Variants in GRHPR observed in about 807,000 individuals in gnomAD.
GRHPR encodes glyoxylate reductase/hydroxypyruvate reductase.
A neutral mutation model predicts 36.8 loss-of-function variants in GRHPR; 35 were observed. That is an observed-to-expected ratio of 0.95 (90% CI 0.73 to 1.26). The LOEUF is 1.26. Ranked by LOEUF, GRHPR falls within the 50% of genes most tolerant of loss-of-function variation. GRHPR has a pLI of 0.00. For synonymous variants in GRHPR, 179 were observed against 181.0 expected, an observed-to-expected ratio of 0.99 and a Z score of 0.09; for missense variants, 380 against 435.0, an observed-to-expected ratio of 0.87 and a Z score of 1.12.
chr9:37,431,416 G>C (rs989296067), intron 7 of GRHPR: 3 of 282,020 alleles, frequency 1.1e-5, no homozygotes, highest in African/African-American at 6.6e-5. Flanking sequence ...ACCCAGGACA[G>C]CCCAGGACCG....
intron 8 of GRHPR, among the ~76,000 whole-genome samples, chr9:37,435,672 C>T (rs897563948): frequency 7.9e-5 from 12 of 151,854 alleles, no homozygotes; most frequent in African/African-American, 2.7e-4. Flanking sequence ...AGGAGAATCA[C>T]TTGAGGCCAG....
chr9:37,432,139 G>T lies in GRHPR; in HGVS notation c.865+1G>T, dbSNP rs771990662. On this transcript the variant is annotated splice_donor_variant, in intron 8 of 8. Coordinates refer to ENST00000318158, the MANE Select transcript of GRHPR (RefSeq NM_012203.2). LOFTEE classifies it high-confidence loss of function. Reference sequence around the variant, plus strand: ...CCTCTCCTGACCCTGAAGAACTGTGGTAAGAACTGCACTTTCTGATGCAAA... The same window carrying T: ...CCTCTCCTGACCCTGAAGAACTGTGTTAAGAACTGCACTTTCTGATGCAAA... The T allele has an allele frequency of 6.2e-7, 1 of 1,613,816 alleles. No homozygotes were observed. Among genetic ancestry groups the T allele is most frequent in the African/African-American group, 1.3e-5 (1 of 74,914 alleles).
intron 8 of GRHPR, 121 bp from the exon 9 acceptor site, chr9:37,436,540 G>GAACCATGA (rs1237883306): frequency 4.6e-6 from 5 of 1,076,336 alleles, no homozygotes; most frequent in African/African-American, 1.5e-5. Flanking sequence ...GCAAAGCATG[G>GAACCATGA]AACCATGAGG....
In GRHPR at chr9:37,428,464, GC is replaced by G; in HGVS notation, c.405-16del. 1 of 1,544,812 alleles carries G rather than the reference GC, an allele frequency of 6.5e-7. No homozygotes were observed. Among genetic ancestry groups the G allele is most frequent in the South Asian group, 1.1e-5 (1 of 89,682 alleles). On this transcript the variant is annotated intron_variant, in intron 4 of 8. Coordinates refer to ENST00000318158, the MANE Select transcript of GRHPR (RefSeq NM_012203.2). ...TGGTCCAAGGCTGGGCCTCTCACCT[GC>G]CCCTCTCTCTCCCCTCAGTGGTGGC... is the stretch of plus-strand genomic sequence containing the variant.
upstream of GRHPR, chr9:37,422,636 C>T (rs1393307444): frequency 1.2e-6 from 1 of 835,686 alleles, no homozygotes; most frequent in Non-Finnish European, 2.0e-6. Flanking sequence ...ACACCCCCTG[C>T]GCACGCCGCG....
intron 8 of GRHPR, chr9:37,433,856 C>G (rs2118899432): frequency 2.5e-6 from 1 of 392,702 alleles, no homozygotes; most frequent in Admixed American, 4.4e-5. Context: ...AGTCTCTGCC[C>G]TTAATTTGGA....
Position 37,422,853 on chromosome 9 carries a change from TG to T in GRHPR, c.83+22del. On this transcript the variant is annotated intron_variant, in intron 1 of 8. Coordinates refer to ENST00000318158, the MANE Select transcript of GRHPR (RefSeq NM_012203.2). ...GGCAGAGTAAGAGCCTCGCGCGCCG[TG>T]GAGGAGGGAGCAGGGCGGTCCCAGG... The T allele has an allele frequency of 6.4e-7, 1 of 1,555,774 alleles. No individual in the cohort carries two copies. Among genetic ancestry groups the T allele is most frequent in the Non-Finnish European group, 8.7e-7 (1 of 1,145,572 alleles).
chr9:37,423,663 G>A (rs760146479), intron 1 of GRHPR, among the ~76,000 whole-genome samples: 3 of 151,692 alleles, frequency 2.0e-5, no homozygotes, highest in Non-Finnish European at 4.4e-5. Context: ...TTTCAAAGAC[G>A]AGGGTCTCAC....
intron 8 of GRHPR, 24 bp from the exon 9 acceptor site, chr9:37,436,636 CT>C: frequency 1.2e-6 from 1 of 850,844 alleles, no homozygotes. Context: ...TCTTATCTCC[CT>C]CTCTCTCTCT....
At chr9:37,424,091 A>C (rs1822965123) in intron 1 of GRHPR, among the ~76,000 whole-genome samples, 1 of 152,176 alleles carries the variant, frequency 6.6e-6, no homozygotes, top group Admixed American at 6.5e-5. Flanking sequence ...GAGATTTTCA[A>C]ATTTTGTTCA....
chr9:37,428,373 A>T (rs1823183930), intron 4 of GRHPR, 111 bp from the exon 5 acceptor site: 1 of 739,284 alleles, frequency 1.4e-6, no homozygotes, highest in East Asian at 2.6e-5. Flanking sequence ...TCAGTCCGTG[A>T]CCTGGAGGGT....
At chr9:37,431,486 G>A (rs1823364258) in intron 7 of GRHPR, 1 of 230,788 alleles carries the variant, frequency 4.3e-6, no homozygotes, top group African/African-American at 2.3e-5. Flanking sequence ...TCTAGAAGAT[G>A]ACTTCTTGCC....
At chr9:37,425,070 T>C in intron 2 of GRHPR, 95 bp downstream of exon 2, 2 of 1,337,068 alleles carry the variant, frequency 1.5e-6, no homozygotes, top group Non-Finnish European at 2.1e-6. Context: ...CAGTGCTGTC[T>C]GGGTTCTGAG....
Position 37,425,942 on chromosome 9 carries a change from A to T in GRHPR, c.235A>T (p.Ser79Cys). 6.2e-7 allele frequency: 1 copy of T among 1,613,684 alleles called. No individual in the cohort carries two copies. The change falls in exon 3 of 9, where the codon AGC becomes TGC. Residue 79 changes from serine (S) to cysteine (C), a missense_variant. Ser to Cys is a moderately radical substitution (Grantham distance 112, BLOSUM62 -1). Coordinates refer to ENST00000318158, the MANE Select transcript of GRHPR (RefSeq NM_012203.2). ...DAAGANLKVISTMSVGIDHLA... is the reference protein window; with the variant it reads ...DAAGANLKVICTMSVGIDHLA... ...AACAGGGGCCAATCTCAAAGTCATC[A>T]GCACCATGTCTGTGGGCATCGACCA...
At chr9:37,438,379 A>G (rs1823766389), downstream of GRHPR, 1 of 152,642 alleles carries the variant, frequency 6.6e-6, no homozygotes. Flanking sequence ...TAAGTGCTAC[A>G]GCATGTACAA....
In GRHPR at chr9:37,424,866, C is replaced by T; in HGVS notation, c.105C>T (p.Asp35=). 1 of 1,613,436 alleles carries T rather than the reference C, an allele frequency of 6.2e-7. No individual in the cohort carries two copies. Among genetic ancestry groups the T allele is most frequent in the Non-Finnish European group, 8.5e-7 (1 of 1,179,850 alleles). ...GCAGCTGTGAGGTGGAGCAGTGGGA[C>T]TCGGATGAGCCCATCCCTGCCAAGG... The part of the protein sequence containing the change: ...RAADCEVEQW[D]SDEPIPAKEL... Residue 35 remains aspartate (D), a synonymous_variant, in exon 2 of 9, where the codon GAC becomes GAT. Coordinates refer to ENST00000318158, the MANE Select transcript of GRHPR (RefSeq NM_012203.2).
chr9:37,430,742 C>T (rs758583559), intron 7 of GRHPR, 96 bp downstream of exon 7: 36 of 1,160,828 alleles, frequency 3.1e-5, no homozygotes, highest in Non-Finnish European at 4.2e-5. Flanking sequence ...TTGGTGAGAC[C>T]CCAGGCTGAG....
At chr9:37,429,892 AT>A (rs1823278336) in intron 6 of GRHPR, 56 bp downstream of exon 6, 2 of 1,038,338 alleles carry the variant, frequency 1.9e-6, no homozygotes, top group South Asian at 1.3e-5. Flanking sequence ...GAGAGGCTGT[AT>A]TTTCTCTCAA....
chr9:37,429,008 G>T, intron 5 of GRHPR: 1 of 330,854 alleles, frequency 3.0e-6, no homozygotes, highest in South Asian at 2.5e-5. Context: ...TGCAGATGAG[G>T]CAGAGACACT....
Sources: allele counts gnomAD v4.1 joint callset (sites outside exome capture counted in the v4.1 genomes callset), GRCh38; gene constraint gnomAD v4.1.1; transcripts MANE v1.5; gene names NCBI Gene and HGNC (gene_info 2026-07-23, HGNC 2026-07-21).